STAG1: variants seen among roughly 807,000 people sequenced by gnomAD.
The protein encoded by STAG1 is cohesin subunit SA-1.
In STAG1, 26 loss-of-function variants were observed where a neutral mutation model predicts 170.9. That is an observed-to-expected ratio of 0.15 (90% CI 0.11 to 0.21). STAG1 has a LOEUF of 0.21. Among genes scored for constraint, STAG1 ranks in the 10% least tolerant of loss-of-function variants. The pLI is 1.00. For missense variants in STAG1, 964 were observed against 1,509.5 expected, an observed-to-expected ratio of 0.64 and a Z score of 5.99; for synonymous variants, 514 against 497.7, an observed-to-expected ratio of 1.03 and a Z score of -0.44.
chr3:136,673,097 G>C (rs1169004847), intron 1 of STAG1, among the ~76,000 whole-genome samples: 1 of 152,184 alleles, frequency 6.6e-6, no homozygotes, highest in African/African-American at 2.4e-5. Context: ...AAGGGAATAA[G>C]AATTCGTTTT....
intron 1 of STAG1, among the ~76,000 whole-genome samples, chr3:136,685,690 T>C (rs1201719399): frequency 2.0e-5 from 3 of 152,136 alleles, no homozygotes; most frequent in Non-Finnish European, 1.5e-5. Flanking sequence ...TTTGAAAAGA[T>C]TATATATTGT....
At chr3:136,477,127 G>C (rs2089773014) in intron 10 of STAG1, among the ~76,000 whole-genome samples, 162 bp downstream of exon 10, 1 of 152,120 alleles carries the variant, frequency 6.6e-6, no homozygotes, top group South Asian at 2.1e-4. Flanking sequence ...AATGCTTCCA[G>C]TTTCATCACA....
chr3:136,730,597 CTA>C (rs1933958104), intron 1 of STAG1, among the ~76,000 whole-genome samples: 1 of 152,190 alleles, frequency 6.6e-6, no homozygotes, highest in Non-Finnish European at 1.5e-5. Context: ...ATAATCAGAA[CTA>C]TATATAGTTC....
intron 1 of STAG1, among the ~76,000 whole-genome samples, chr3:136,723,287 G>A (rs1298384410): frequency 6.6e-6 from 1 of 151,404 alleles, no homozygotes; most frequent in Non-Finnish European, 1.5e-5. Context: ...AGGAAGTGAG[G>A]AGCGTCTCTG....
intron 1 of STAG1, among the ~76,000 whole-genome samples, chr3:136,739,503 CAAAAAAAAAAAAAAAA>C (rs1934537538): frequency 2.2e-5 from 1 of 45,694 alleles, no homozygotes. Context: ...CAGACTCCGT[CAAAAAAAAAAAAAAAA>C]GAAAAAAAAA....
At chr3:136,692,846 A>G (rs1942771767) in intron 1 of STAG1, among the ~76,000 whole-genome samples, 1 of 152,142 alleles carries the variant, frequency 6.6e-6, no homozygotes, top group Non-Finnish European at 1.5e-5. Context: ...GGCTCAACAG[A>G]TATTAGGCAA....
chr3:136,404,763 A>G (rs1205876118), intron 21 of STAG1, among the ~76,000 whole-genome samples: 1 of 152,150 alleles, frequency 6.6e-6, no homozygotes, highest in Non-Finnish European at 1.5e-5. Context: ...AATTAATGTA[A>G]AGCTTCTGGA....
intron 4 of STAG1, among the ~76,000 whole-genome samples, chr3:136,600,951 C>T (rs547288690): frequency 9.2e-5 from 14 of 152,128 alleles, no homozygotes; most frequent in South Asian, 2.1e-4. Context: ...AGTGCAGTGG[C>T]GCAATCTTGG....
At chr3:136,595,300 A>C (rs905444253) in intron 4 of STAG1, among the ~76,000 whole-genome samples, 4 of 152,192 alleles carry the variant, frequency 2.6e-5, no homozygotes, top group Non-Finnish European at 4.4e-5. Flanking sequence ...ACAAACTTTC[A>C]GTGAACGCTA....
At chr3:136,468,168 G>A (rs1035549369) in intron 12 of STAG1, among the ~76,000 whole-genome samples, 80 of 152,146 alleles carry the variant, frequency 5.3e-4, no homozygotes, top group Admixed American at 9.8e-4. Flanking sequence ...GAGCAGAACT[G>A]AAGGAGATAG....
At chr3:136,419,048 C>T (rs971804471) in intron 20 of STAG1, among the ~76,000 whole-genome samples, 9 of 152,008 alleles carry the variant, frequency 5.9e-5, no homozygotes, top group African/African-American at 1.7e-4. Flanking sequence ...AGATAAAACT[C>T]GGGGAAAGGA....
intron 1 of STAG1, among the ~76,000 whole-genome samples, chr3:136,720,785 T>A (rs1280336995): frequency 6.7e-6 from 1 of 148,470 alleles, no homozygotes; most frequent in Non-Finnish European, 1.5e-5. Context: ...CAAGATTCCA[T>A]CTCAAAAAAA....
intron 21 of STAG1, among the ~76,000 whole-genome samples, chr3:136,403,224 T>TAAAAAAAAAAAAA (rs55678408): frequency 3.0e-4 from 10 of 33,604 alleles, no homozygotes; most frequent in African/African-American, 7.6e-4. Context: ...GAGACTGTCT[T>TAAAAAAAAAAAAA]AAAAAAAAAA....
At chr3:136,448,670 G>A (rs1559807385) in intron 14 of STAG1, among the ~76,000 whole-genome samples, 1 of 152,200 alleles carries the variant, frequency 6.6e-6, no homozygotes, top group Non-Finnish European at 1.5e-5. Context: ...TGGGGACAGT[G>A]CTTCACGCCT....
At chr3:136,670,436 C>T (rs145351867) in intron 1 of STAG1, among the ~76,000 whole-genome samples, 5 of 152,072 alleles carry the variant, frequency 3.3e-5, no homozygotes, top group African/African-American at 1.2e-4. Context: ...AGAAAAGAAC[C>T]AAAAAAACTA....
chr3:136,367,168 C>T (rs938979380), intron 24 of STAG1, 86 bp from the exon 25 acceptor site: 2 of 1,112,918 alleles, frequency 1.8e-6, no homozygotes, highest in Non-Finnish European at 1.3e-6. Flanking sequence ...TGAAAATTAG[C>T]TTAATATTAT....
chr3:136,713,954 G>A (rs943363644), intron 1 of STAG1, among the ~76,000 whole-genome samples: 1 of 152,036 alleles, frequency 6.6e-6, no homozygotes, highest in Admixed American at 6.6e-5. Flanking sequence ...AACCCAGGAG[G>A]CAGAGGTTGC....
At chr3:136,551,197 TTGAGAGAGAGTGAGAGAGA>T (rs1936366754) in intron 5 of STAG1, among the ~76,000 whole-genome samples, 1 of 36,346 alleles carries the variant, frequency 2.8e-5, no homozygotes, top group Non-Finnish European at 5.1e-5. Context: ...GAGAGAGAGG[TTGAGAGAGAGTGAGAGAGA>T]GAGAGAGAGA....
intron 13 of STAG1, among the ~76,000 whole-genome samples, chr3:136,452,368 T>C (rs978145575): frequency 1.3e-5 from 2 of 151,748 alleles, no homozygotes; most frequent in Non-Finnish European, 2.9e-5. Context: ...ACTGAGACCA[T>C]CCTGGCTAAC....
Sources: allele counts gnomAD v4.1 joint callset (sites outside exome capture counted in the v4.1 genomes callset), GRCh38; gene constraint gnomAD v4.1.1; transcripts MANE v1.5; gene names NCBI Gene and HGNC (gene_info 2026-07-23, HGNC 2026-07-21).